The following PIK3C2G variants were observed in gnomAD, a reference collection of about 807,000 sequenced individuals.
PIK3C2G encodes phosphatidylinositol-4-phosphate 3-kinase catalytic subunit type 2 gamma.
In PIK3C2G, 168 loss-of-function variants were observed where a neutral mutation model predicts 181.1. The ratio of observed to expected loss-of-function variants is 0.93; its 90% CI spans 0.82 to 1.05. The LOEUF (loss-of-function observed/expected upper bound fraction) is 1.05, where lower values mean the gene tolerates loss of function less well. Ranked by LOEUF, PIK3C2G falls within the 50% of genes least tolerant of loss-of-function variation. The pLI is 0.00. For synonymous variants in PIK3C2G, 573 were observed against 592.2 expected (o/e 0.97, Z 0.47); for missense variants, 1,869 against 1,732.8 (o/e 1.08, Z -1.40).
intron 18 of PIK3C2G, among the ~76,000 whole-genome samples, chr12:18,441,388 G>A (rs986132313): frequency 6.6e-6 from 1 of 152,172 alleles, no homozygotes; most frequent in South Asian, 2.1e-4. Flanking sequence ...TCTATGAAAA[G>A]AGTGTTGCTT....
At position 18,568,472 on chromosome 12, in the gene PIK3C2G, A is replaced by G. The variant is rs533511304; in HGVS notation, c.4011+1415A>G. Among the ~76,000 whole-genome samples, 231 of 152,106 alleles carry G rather than the reference A, an allele frequency of 1.5e-3. 2 individuals carry two copies. The highest frequency in any genetic ancestry group is 5.3e-3 in the African/African-American group (219 of 41,502). ...GAAGAAATTTGTTTAATTGGCTCAC[A>G]TGATTGTGGAGGTGCAAATCCAAAA... is the stretch of plus-strand genomic sequence containing the variant. On this transcript the variant is annotated intron_variant, in intron 29 of 32. Transcript: ENST00000538779.
intron 1 of PIK3C2G, among the ~76,000 whole-genome samples, chr12:18,277,096 G>A (rs1026323680): frequency 6.6e-6 from 1 of 152,062 alleles, no homozygotes; most frequent in African/African-American, 2.4e-5. Context: ...CTTATCACTC[G>A]ATTCCAAATT....
intron 9 of PIK3C2G, among the ~76,000 whole-genome samples, chr12:18,339,737 T>C (rs1938944548): frequency 6.6e-6 from 1 of 152,172 alleles, no homozygotes; most frequent in African/African-American, 2.4e-5. Context: ...AGATCTTATT[T>C]AATCCAAAGT....
At chr12:18,545,109 A>C (rs567645987) in intron 25 of PIK3C2G, among the ~76,000 whole-genome samples, 1 of 151,814 alleles carries the variant, frequency 6.6e-6, no homozygotes, top group South Asian at 2.1e-4. Context: ...AAAATCCTTA[A>C]TGTTGCCAGA....
At chr12:18,291,294 A>G (rs1028067366) in intron 4 of PIK3C2G, among the ~76,000 whole-genome samples, 3 of 152,234 alleles carry the variant, frequency 2.0e-5, no homozygotes, top group Non-Finnish European at 4.4e-5. Flanking sequence ...ATATATTAAA[A>G]AATGAATTTC....
intron 17 of PIK3C2G, among the ~76,000 whole-genome samples, chr12:18,422,908 A>T (rs573799644): frequency 6.6e-6 from 1 of 152,140 alleles, no homozygotes; most frequent in Admixed American, 6.6e-5. Flanking sequence ...AAGACAGCAC[A>T]CATTATTGTC....
At chr12:18,702,818 CTTTTTTTTTT>C in the PIK3C2G span, among the ~76,000 whole-genome samples, 1 of 116,600 alleles carries the variant, frequency 8.6e-6, no homozygotes, top group East Asian at 2.6e-4. Context: ...GATAAAGTAA[CTTTTTTTTTT>C]TTTTTTTTTT....
chr12:18,650,345 ATATGTGTGTGTGTGTG>A (rs1295102545), downstream of PIK3C2G, among the ~76,000 whole-genome samples: 1 of 127,704 alleles, frequency 7.8e-6, no homozygotes, highest in African/African-American at 3.6e-5. Context: ...ATATATATAT[ATATGTGTGTGTGTGTG>A]TGTGTGTGTG....
At chr12:18,701,119 G>T in the PIK3C2G span, among the ~76,000 whole-genome samples, 1 of 151,916 alleles carries the variant, frequency 6.6e-6, no homozygotes. Flanking sequence ...CAAGTAGTTG[G>T]AACTACAGGC....
In PIK3C2G at chr12:18,391,181, T is replaced by C. The variant is rs1943510591; in HGVS notation, c.2055T>C (p.Ser685=). 6.2e-7 allele frequency: 1 copy of C among 1,608,928 alleles called. No homozygotes were observed. Among genetic ancestry groups the C allele is most frequent in the African/African-American group, 1.3e-5 (1 of 74,754 alleles). Reference sequence around the variant, plus strand: ...AACCTGATTCTGAAGAGAATAGAAGTAATCTTGAAGAGCCACTAAAGGAGT... The same window carrying C: ...AACCTGATTCTGAAGAGAATAGAAGCAATCTTGAAGAGCCACTAAAGGAGT... ...YMKPDSEENR[S]NLEEPLKECI... The change falls in exon 15 of 33, where the codon AGT becomes AGC. Residue 685 remains serine (S), a synonymous_variant. Transcript: ENST00000538779.
At chr12:18,244,485 T>A (rs1005413499), upstream of PIK3C2G, among the ~76,000 whole-genome samples, 4 of 152,098 alleles carry the variant, frequency 2.6e-5, no homozygotes, top group African/African-American at 9.6e-5. Flanking sequence ...GGTAGAATTC[T>A]GAGCTTATCT....
At chr12:18,645,165 A>AT (rs34920941) in intron 32 of PIK3C2G, among the ~76,000 whole-genome samples, 28 of 151,442 alleles carry the variant, frequency 1.8e-4, no homozygotes, top group Non-Finnish European at 2.5e-4. Context: ...TACCAGAACC[A>AT]TTTTTTTTTG....
chr12:18,611,440 G>A (rs1309160012), intron 31 of PIK3C2G, among the ~76,000 whole-genome samples: 1 of 151,802 alleles, frequency 6.6e-6, no homozygotes, highest in African/African-American at 2.4e-5. Flanking sequence ...TCAATCCTAG[G>A]CCTCTCCTTT....
At chr12:18,560,756 AAAAGTG>A (rs2136327107) in intron 26 of PIK3C2G, among the ~76,000 whole-genome samples, 1 of 152,284 alleles carries the variant, frequency 6.6e-6, no homozygotes, top group East Asian at 1.9e-4. Flanking sequence ...AAAAAATTTC[AAAAGTG>A]AAAGGATTTG....
chr12:18,296,144 A>G (rs995675223), intron 5 of PIK3C2G, among the ~76,000 whole-genome samples: 1 of 152,110 alleles, frequency 6.6e-6, no homozygotes, highest in African/African-American at 2.4e-5. Context: ...TTATATTGCT[A>G]TATTAGTTAA....
chr12:18,327,611 A>G (rs1447319807), intron 8 of PIK3C2G, among the ~76,000 whole-genome samples: 3 of 152,060 alleles, frequency 2.0e-5, no homozygotes, highest in Non-Finnish European at 4.4e-5. Flanking sequence ...TTTTCACTGG[A>G]CATTTTTTCC....
At chr12:18,602,749 G>C (rs1406174106) in intron 30 of PIK3C2G, among the ~76,000 whole-genome samples, 2 of 152,202 alleles carry the variant, frequency 1.3e-5, no homozygotes, top group East Asian at 3.9e-4. Flanking sequence ...AGGCTCACTG[G>C]GTGAATGAAC....
intron 24 of PIK3C2G, among the ~76,000 whole-genome samples, chr12:18,508,740 G>T (rs1942014557): frequency 6.6e-6 from 1 of 151,980 alleles, no homozygotes. Flanking sequence ...TTCCAGTAAT[G>T]GAACACTAGA....
chr12:18,624,968 C>T (rs1390187371), intron 31 of PIK3C2G, among the ~76,000 whole-genome samples: 1 of 151,380 alleles, frequency 6.6e-6, no homozygotes, highest in Non-Finnish European at 1.5e-5. Context: ...TTTTGTTTAT[C>T]TTTTTAAAAG....
Sources: allele counts gnomAD v4.1 joint callset (sites outside exome capture counted in the v4.1 genomes callset), GRCh38; gene constraint gnomAD v4.1.1; transcripts MANE v1.5; gene names NCBI Gene and HGNC (gene_info 2026-07-23, HGNC 2026-07-21).